SSR1: variants seen among roughly 807,000 people sequenced by gnomAD.
SSR1 encodes signal sequence receptor subunit 1, also known as translocon-associated protein subunit alpha.
SSR1 carries 13 observed loss-of-function variants against 36.1 expected under a neutral mutation model. The observed-to-expected ratio is 0.36, with a 90% CI of 0.23 to 0.57. The LOEUF is 0.57. SSR1 is among the 20% of genes least tolerant of loss of function. SSR1 has a pLI of 0.81. For synonymous variants in SSR1, 113 were observed against 118.9 expected (o/e 0.95, Z 0.32); for missense variants, 291 against 338.5 (o/e 0.86, Z 1.10).
intron 6 of SSR1, among the ~76,000 whole-genome samples, chr6:7,296,640 A>G (rs758050824): frequency 1.3e-5 from 2 of 151,642 alleles, no homozygotes; most frequent in African/African-American, 2.4e-5. Flanking sequence ...TTGTTTTTGT[A>G]GGCTGGAGGG....
At chr6:7,301,023 C>T (rs1051161736) in intron 4 of SSR1, among the ~76,000 whole-genome samples, 2 of 152,176 alleles carry the variant, frequency 1.3e-5, no homozygotes, top group Admixed American at 1.3e-4. Flanking sequence ...CGGCTCATAG[C>T]TTTACTTACA....
At chr6:7,308,696 C>G (rs1758121837) in intron 2 of SSR1, among the ~76,000 whole-genome samples, 1 of 152,060 alleles carries the variant, frequency 6.6e-6, no homozygotes, top group Admixed American at 6.6e-5. Flanking sequence ...ATTTTACATA[C>G]TGTTTGTTGT....
At chr6:7,301,722 G>A (rs1284905866) in intron 3 of SSR1, 150 bp from the exon 4 acceptor site, 8 of 808,338 alleles carry the variant, frequency 9.9e-6, no homozygotes, top group South Asian at 1.9e-5. Context: ...ACCTACTAAC[G>A]AGAAATTGGT....
Position 7,284,762 on chromosome 6 carries a change from A to AG in SSR1, c.*5101dup, listed in dbSNP as rs1757511757. ...CTAAGTAAAAAGTAGGTTTAAGGGA[A>AG]GAATCATTTATAGTAACACTGAATT... On this transcript the variant is annotated 3_prime_UTR_variant, in exon 8 of 8. Coordinates refer to ENST00000244763, the MANE Select transcript of SSR1 (RefSeq NM_003144.5). The AG allele has an allele frequency of 6.6e-6, 1 of 152,042 alleles. No homozygotes were observed. Among genetic ancestry groups the AG allele is most frequent in the African/African-American group, 2.4e-5 (1 of 41,368 alleles). 9.4% of individuals were successfully genotyped at this position (152,042 alleles called of 1,614,324 possible).
rs190605000 is a variant in SSR1 at position 7,282,863 on chromosome 6, G to C, written c.*7001C>G. The C allele has an allele frequency of 1.3e-4, 20 of 152,308 alleles. 1 individual carries two copies. The East Asian group carries it at 3.9e-3, about 29-fold the overall frequency. The allele number at this position is 152,308 out of a possible 1,614,324, so 9.4% of individuals were successfully genotyped here. A position where few individuals can be genotyped will look rare whatever the true frequency, so the allele number is the denominator to read the frequency against. ...AAAAAGGCAACTTGATTATGAACTG[G>C]ATGACATATCAAATGCAAGGCCTTA... is the stretch of plus-strand genomic sequence containing the variant. On this transcript the variant is annotated 3_prime_UTR_variant, in exon 8 of 8. Transcript: ENST00000244763.
chr6:7,294,623 G>A (rs975574727), intron 7 of SSR1, among the ~76,000 whole-genome samples: 3 of 152,108 alleles, frequency 2.0e-5, no homozygotes, highest in Non-Finnish European at 2.9e-5. Context: ...CCCAGGAGGC[G>A]GAGGTAGCAG....
At chr6:7,308,501 A>G (rs901587031) in intron 2 of SSR1, among the ~76,000 whole-genome samples, 1 of 152,226 alleles carries the variant, frequency 6.6e-6, no homozygotes, top group Non-Finnish European at 1.5e-5. Context: ...ACGAAAATAG[A>G]AAGAAAAAAA....
chr6:7,301,588 G>A lies in SSR1; in HGVS notation c.281-16C>T, dbSNP rs1470338521. On this transcript the variant is annotated splice_polypyrimidine_tract_variant and intron_variant, in intron 3 of 7. Coordinates refer to ENST00000244763, the MANE Select transcript of SSR1 (RefSeq NM_003144.5). ...GCTGGAAAATCTGAGAAACAAAATA[G>A]AGACAAAAAAATTAGAACACATGGA... The A allele has an allele frequency of 1.9e-6, 3 of 1,592,478 alleles. No individual in the cohort carries two copies. The highest frequency in any genetic ancestry group is 1.8e-5 in the Admixed American group (1 of 55,998).
At position 7,301,310 on chromosome 6, in the gene SSR1, G is replaced by C. The variant is rs370434717; in HGVS notation, c.543C>G (p.Asn181Lys). The change falls in exon 4 of 8, where the codon AAC (asparagine) becomes AAG (lysine). Residue 181 changes from asparagine to lysine, a missense_variant and splice_region_variant. By Grantham distance (94) the Asn-to-Lys change is moderately conservative. Coordinates refer to ENST00000244763, the MANE Select transcript of SSR1 (RefSeq NM_003144.5). ...AAAAAGAAGGTTTAGAGGATCTTAC[G>C]TTCAAATCTTTGTAGTTCAGATTGA... ...LVINLNYKDL[N>K]GNVFQDAVFN... The C allele has an allele frequency of 1.2e-6, 2 of 1,613,118 alleles. No individual in the cohort carries two copies. The highest frequency in any genetic ancestry group is 1.1e-5 in the South Asian group (1 of 90,904).
At chr6:7,299,874 A>G (rs1333399369) in intron 4 of SSR1, among the ~76,000 whole-genome samples, 4 of 152,172 alleles carry the variant, frequency 2.6e-5, no homozygotes, top group African/African-American at 7.2e-5. Context: ...AAGGTAGTAC[A>G]TTGTCAAAAC....
intron 4 of SSR1, among the ~76,000 whole-genome samples, chr6:7,300,854 G>A (rs1292014885): frequency 1.3e-5 from 2 of 152,130 alleles, no homozygotes; most frequent in African/African-American, 4.8e-5. Flanking sequence ...GGTTGGCCAG[G>A]CTGGTCTCGA....
In SSR1 at chr6:7,313,168, G is replaced by C. The variant is rs762433448; in HGVS notation, c.-48C>G. 1 of 1,534,458 alleles carries C rather than the reference G, an allele frequency of 6.5e-7. No homozygotes were observed. Among genetic ancestry groups the C allele is most frequent in the African/African-American group, 1.4e-5 (1 of 71,592 alleles). On this transcript the variant is annotated 5_prime_UTR_variant, in exon 1 of 8. Coordinates refer to ENST00000244763, the MANE Select transcript of SSR1 (RefSeq NM_003144.5). ...GTTTCCGTCGGCTAAGGCTCTCGGC[G>C]GCTCCGGCGGTAATGGCGTTACTCT...
intron 6 of SSR1, among the ~76,000 whole-genome samples, chr6:7,297,430 G>T (rs1757825332): frequency 2.0e-5 from 3 of 152,100 alleles, no homozygotes; most frequent in Admixed American, 1.3e-4. Flanking sequence ...ATGTGTGTAT[G>T]AAAGTCTAAA....
At chr6:7,295,365 C>A in intron 7 of SSR1, 27 bp downstream of exon 7, 1 of 1,558,332 alleles carries the variant, frequency 6.4e-7, no homozygotes, top group African/African-American at 1.4e-5. Context: ...AGAAAAACTT[C>A]CCAGCCAAGT....
Position 7,287,013 on chromosome 6 carries a change from G to C in SSR1, c.*2851C>G, listed in dbSNP as rs1219998454. The stretch of plus-strand genomic sequence containing the variant: ...ATCTAATTTAGGAACTAAAATACAG[G>C]GTCTAGTCTTGGCAAGAGATGGTAT... On this transcript the variant is annotated 3_prime_UTR_variant, in exon 8 of 8. Transcript: ENST00000244763. The C allele has an allele frequency of 1.3e-5, 2 of 151,780 alleles. No homozygotes were observed. Among genetic ancestry groups the C allele is most frequent in the East Asian group, 3.9e-4 (2 of 5,186 alleles). 9.4% of individuals were successfully genotyped at this position (151,780 alleles called of 1,614,324 possible). A position where few individuals can be genotyped will look rare whatever the true frequency, so the allele number is the denominator to read the frequency against.
chr6:7,307,814 T>C (rs2842370), intron 2 of SSR1, among the ~76,000 whole-genome samples: 87,966 of 152,128 alleles, frequency 0.58, 26,104 homozygotes, highest in African/African-American at 0.72. Flanking sequence ...GCGTGCCTCA[T>C]GGCGTTCAGC....
chr6:7,309,498 T>G (rs1268908691), intron 2 of SSR1, among the ~76,000 whole-genome samples: 1 of 135,560 alleles, frequency 7.4e-6, no homozygotes, highest in Non-Finnish European at 1.6e-5. Flanking sequence ...CTAGATGTAC[T>G]ATTGATAACG....
intron 7 of SSR1, among the ~76,000 whole-genome samples, chr6:7,291,200 C>T (rs111582393): frequency 6.6e-6 from 1 of 151,990 alleles, no homozygotes; most frequent in Non-Finnish European, 1.5e-5. Context: ...TCAAGACCAG[C>T]CCAGCCTGGC....
At chr6:7,298,706 A>T in intron 5 of SSR1, 41 bp downstream of exon 5, 1 of 1,476,120 alleles carries the variant, frequency 6.8e-7, no homozygotes, top group Middle Eastern at 1.7e-4. Context: ...GTCTTACTTT[A>T]CGAGCAAAAT....
Sources: allele counts gnomAD v4.1 joint callset (sites outside exome capture counted in the v4.1 genomes callset), GRCh38; gene constraint gnomAD v4.1.1; transcripts MANE v1.5; gene names NCBI Gene and HGNC (gene_info 2026-07-23, HGNC 2026-07-21).